Variants in TRPM6 observed in about 807,000 individuals in gnomAD.
TRPM6 encodes channel kinase 2.
TRPM6 carries 111 observed loss-of-function variants against 247.6 expected under a neutral mutation model. The observed-to-expected ratio is 0.45, with a 90% CI of 0.38 to 0.52. The LOEUF is 0.52. Among genes scored for constraint, TRPM6 ranks in the 20% least tolerant of loss-of-function variants. The pLI, the probability that TRPM6 is intolerant of heterozygous loss-of-function variation, is 0.00. For synonymous variants in TRPM6, 892 were observed against 853.8 expected, an observed-to-expected ratio of 1.04 and a Z score of -0.78; for missense variants, 2,126 against 2,421.5, an observed-to-expected ratio of 0.88 and a Z score of 2.56.
intron 7 of TRPM6, among the ~76,000 whole-genome samples, chr9:74,824,211 C>T (rs1468633990): frequency 6.6e-6 from 1 of 150,710 alleles, no homozygotes; most frequent in African/African-American, 2.4e-5. Context: ...AGTGCAGTGG[C>T]ACCATCTTAG....
At chr9:74,751,783 C>A (rs956323456) in intron 29 of TRPM6, among the ~76,000 whole-genome samples, 10 of 152,200 alleles carry the variant, frequency 6.6e-5, no homozygotes, top group Non-Finnish European at 1.5e-4. Context: ...CTATGCTTGA[C>A]TGATCGCACT....
rs1021433313 is a variant in TRPM6, at chr9:74,732,209, C to T, written c.5828+476G>A. ...AATCTGATGCTTCATATTTAAGCTC[C>T]ATTGTTTTGTCCTCTCATAAGATTT... is the stretch of plus-strand genomic sequence containing the variant. On this transcript the variant is annotated intron_variant, in intron 37 of 38. Transcript: ENST00000360774. Among the ~76,000 whole-genome samples the T allele has an allele frequency of 2.6e-5, 4 of 152,284 alleles. No individual in the cohort carries two copies. The East Asian group carries it at 7.7e-4, about 29-fold the overall frequency.
At chr9:74,859,754 G>A (rs536072005) in intron 1 of TRPM6, among the ~76,000 whole-genome samples, 12 of 150,440 alleles carry the variant, frequency 8.0e-5, no homozygotes, top group Non-Finnish European at 1.6e-4. Flanking sequence ...GGCCTGGGTG[G>A]CAGAGCGAGA....
chr9:74,835,436 G>A (rs1346457905), intron 5 of TRPM6, among the ~76,000 whole-genome samples: 1 of 152,046 alleles, frequency 6.6e-6, no homozygotes, highest in Non-Finnish European at 1.5e-5. Flanking sequence ...CTGCAGATAT[G>A]TCCCTTGCTC....
intron 5 of TRPM6, 30 bp downstream of exon 5, chr9:74,839,994 G>T: frequency 6.5e-7 from 1 of 1,530,656 alleles, no homozygotes; most frequent in Non-Finnish European, 9.1e-7. Context: ...TGAAAGAGAG[G>T]GTGGGAGAAA....
intron 1 of TRPM6, among the ~76,000 whole-genome samples, chr9:74,873,659 TC>T (rs1831098174): frequency 1.3e-5 from 2 of 152,152 alleles, no homozygotes; most frequent in Admixed American, 1.3e-4. Flanking sequence ...ATTAAGAATA[TC>T]CCCTCCCCTA....
chr9:74,852,831 C>CG (rs1830380725), intron 3 of TRPM6, among the ~76,000 whole-genome samples: 1 of 152,002 alleles, frequency 6.6e-6, no homozygotes, highest in Non-Finnish European at 1.5e-5. Flanking sequence ...GGTGTGATCT[C>CG]GGCTCGCTAC....
intron 28 of TRPM6, among the ~76,000 whole-genome samples, chr9:74,752,896 C>T (rs1251285436): frequency 3.9e-5 from 6 of 152,062 alleles, no homozygotes; most frequent in Middle Eastern, 3.4e-3. Context: ...GTGGATCACC[C>T]GAGGTCAGGA....
At chr9:74,768,794 T>A (rs1427349581) in intron 25 of TRPM6, among the ~76,000 whole-genome samples, 2 of 152,196 alleles carry the variant, frequency 1.3e-5, no homozygotes, top group Non-Finnish European at 2.9e-5. Flanking sequence ...CCCCCTCAAA[T>A]CCACACCATT....
At chr9:74,782,563 C>A (rs1426336365) in intron 22 of TRPM6, 87 bp from the exon 23 acceptor site, 1 of 1,457,150 alleles carries the variant, frequency 6.9e-7, no homozygotes, top group Non-Finnish European at 9.6e-7. Flanking sequence ...ATTAACTGCA[C>A]AGAATACCAT....
chr9:74,878,633 C>G (rs1460272193), intron 1 of TRPM6, among the ~76,000 whole-genome samples: 3 of 152,174 alleles, frequency 2.0e-5, no homozygotes, highest in African/African-American at 4.8e-5. Flanking sequence ...TACAATCCCC[C>G]CCGTGCAAGC....
intron 37 of TRPM6, among the ~76,000 whole-genome samples, chr9:74,729,074 C>T (rs1281432503): frequency 6.6e-6 from 1 of 152,218 alleles, no homozygotes; most frequent in African/African-American, 2.4e-5. Flanking sequence ...CATCCGTTAT[C>T]ATATCAAAGG....
At position 74,802,120 on chromosome 9, in the gene TRPM6, G is replaced by A. The variant is rs1828360282; in HGVS notation, c.1787C>T (p.Ser596Leu). 6 of 1,613,992 alleles carry A rather than the reference G, an allele frequency of 3.7e-6. No individual in the cohort carries two copies. The highest frequency in any genetic ancestry group is 1.7e-5 in the Admixed American group (1 of 60,002). Residue 596 changes from serine (S) to leucine (L), a missense_variant, in exon 16 of 39, where the codon TCA (serine) becomes TTA (leucine). Transcript: ENST00000360774. ...SRKKSKEQNV[S>L]DDPESTGFLY... is the part of the protein sequence containing the mutation. Reference sequence around the variant, plus strand: ...AAAGCCAGTAGACTCAGGGTCATCTGATACATTTTGTTCTTTTGACTTCTT... The same window carrying A: ...AAAGCCAGTAGACTCAGGGTCATCTAATACATTTTGTTCTTTTGACTTCTT...
In TRPM6 at chr9:74,739,766, T is replaced by C. The variant is rs1825802954; in HGVS notation, c.5444A>G (p.His1815Arg). The C allele has an allele frequency of 6.2e-7, 1 of 1,613,964 alleles. No homozygotes were observed. Among genetic ancestry groups the C allele is most frequent in the East Asian group, 2.2e-5 (1 of 44,888 alleles). ...CACAGTGCTCTCCTGGAAGATTTTA[T>C]GCCATGTCCGCACAACCTCAGGAAG... is the stretch of plus-strand genomic sequence containing the variant. ...SFLPEVVRTW[H>R]KIFQESTVLH... The change falls in exon 34 of 39, where the codon CAT becomes CGT. Residue 1815 changes from histidine (H) to arginine (R), a missense_variant. Coordinates refer to ENST00000360774, the MANE Select transcript of TRPM6 (RefSeq NM_017662.5).
intron 1 of TRPM6, among the ~76,000 whole-genome samples, chr9:74,869,627 C>T (rs776018031): frequency 9.9e-5 from 15 of 151,826 alleles, no homozygotes; most frequent in Non-Finnish European, 2.1e-4. Context: ...CCCTCTTCAC[C>T]GAGAAGGAGC....
chr9:74,816,915 G>GCTAAGTCCAGGT lies in TRPM6; in HGVS notation c.1172_1183dup (p.Asp391_Leu394dup), dbSNP rs767108780. Reference sequence around the variant, plus strand: ...ACCCTTCAGCAAAGCTGTTAGGATTGCTAAGTCCAGGTCTTGCTGCTCTTC... The same window carrying GCTAAGTCCAGGT: ...ACCCTTCAGCAAAGCTGTTAGGATTGCTAAGTCCAGGTCTAAGTCCAGGTCTTGCTGCTCTTC... On this transcript the variant is annotated inframe_insertion, in exon 10 of 39. Transcript: ENST00000360774. 1 of 1,614,142 alleles carries GCTAAGTCCAGGT rather than the reference G, an allele frequency of 6.2e-7. No homozygotes were observed. The highest frequency in any genetic ancestry group is 1.7e-5 in the Admixed American group (1 of 60,018).
intron 23 of TRPM6, among the ~76,000 whole-genome samples, chr9:74,778,903 C>G (rs1827321095): frequency 6.6e-6 from 1 of 152,138 alleles, no homozygotes; most frequent in Non-Finnish European, 1.5e-5. Flanking sequence ...GGCAACACTC[C>G]TTCCCAAAGA....
chr9:74,792,632 A>C lies in TRPM6; in HGVS notation c.2530T>G (p.Phe844Val), dbSNP rs1827946101. Reference protein sequence around the residue: ...FYSAPIVKFWFYTMAYLAFLM... With the variant: ...FYSAPIVKFWVYTMAYLAFLM... ...GTTGCAATGAGACCAACCGTATAAA[A>C]CCAAAACTTGACAATTGGAGCACTG... The change falls in exon 19 of 39, where the codon TTT becomes GTT. Residue 844 changes from phenylalanine (F) to valine (V), a missense_variant. By Grantham distance (50) the Phe-to-Val change is conservative. This residue lies in a region of TRPM6 where 1,082 missense variants were observed against 1,307.9 expected (regional missense o/e 0.83). Transcript: ENST00000360774. The C allele has an allele frequency of 6.2e-7, 1 of 1,614,062 alleles. No homozygotes were observed. The highest frequency in any genetic ancestry group is 8.5e-7 in the Non-Finnish European group (1 of 1,179,984).
chr9:74,726,614 T>C, intron 38 of TRPM6, among the ~76,000 whole-genome samples: 1 of 152,228 alleles, frequency 6.6e-6, no homozygotes, highest in East Asian at 1.9e-4. Context: ...GGATTGGAAG[T>C]AGTGAGTTCT....
Sources: gnomAD v4.1 joint callset for allele counts (sites outside exome capture counted in the v4.1 genomes callset) on GRCh38, gnomAD v4.1.1 for gene constraint, gnomAD v4.1.1 regional missense constraint, MANE v1.5 for transcripts, NCBI Gene and HGNC (gene_info 2026-07-23, HGNC 2026-07-21) for gene names.